COPB2: variants seen among roughly 807,000 people sequenced by gnomAD.
The protein encoded by COPB2 is coat protein complex I subunit beta 2, also known as coatomer subunit beta'.
In COPB2, 16 loss-of-function variants were observed where a neutral mutation model predicts 120.8. The ratio of observed to expected loss-of-function variants is 0.13; its 90% confidence interval spans 0.09 to 0.20. COPB2 has a LOEUF of 0.20. Among genes scored for constraint, COPB2 ranks in the 10% least tolerant of loss-of-function variants. The pLI is 1.00. For synonymous variants in COPB2, 332 were observed against 366.3 expected (o/e 0.91, Z 1.07); for missense variants, 794 against 1,076.5 (o/e 0.74, Z 3.67).
At chr3:139,374,448 G>C in intron 7 of COPB2, 41 bp downstream of exon 7, 1 of 1,497,556 alleles carries the variant, frequency 6.7e-7, no homozygotes, top group Non-Finnish European at 9.3e-7. Flanking sequence ...TGCCCACTGA[G>C]TAGTTACTAG....
Position 139,389,615 on chromosome 3 carries a change from C to A in COPB2, c.-65G>T. ...CGGCTACTCAGGCCTTGAGATAAAC[C>A]CACCGATCCACTGACCGTCAGACTG... On this transcript the variant is annotated 5_prime_UTR_variant, in exon 1 of 22. Transcript: ENST00000333188. 2.0e-6 allele frequency: 3 copies of A among 1,470,894 alleles called. No homozygotes were observed. Among genetic ancestry groups the A allele is most frequent in the Non-Finnish European group, 2.8e-6 (3 of 1,073,188 alleles). 91.1% of individuals were successfully genotyped at this position (1,470,894 alleles called of 1,614,324 possible). A position where few individuals can be genotyped will look rare whatever the true frequency, so the allele number is the denominator to read the frequency against.
At chr3:139,374,411 TA>T (rs1560018175) in intron 7 of COPB2, 77 bp downstream of exon 7, 1 of 1,153,970 alleles carries the variant, frequency 8.7e-7, no homozygotes, top group Non-Finnish European at 1.3e-6. Context: ...CCTACAATTA[TA>T]ATGCAGAGAC....
Position 139,374,268 on chromosome 3 carries a change from T to C in COPB2, c.751+221A>G, listed in dbSNP as rs1445761450. ...ACAGCTGACGGTCCTCTTATTTAAG[T>C]GACAGAATCAAAATACATGAGAATG... On this transcript the variant is annotated intron_variant, in intron 7 of 21. Transcript: ENST00000333188. 3 of 526,262 alleles carry C rather than the reference T, an allele frequency of 5.7e-6. No homozygotes were observed. In the Admixed American group the frequency reaches 9.9e-5, roughly 17 times the overall value. 32.6% of individuals were successfully genotyped at this position (526,262 alleles called of 1,614,324 possible).
chr3:139,368,754 C>T (rs986249741), intron 12 of COPB2, among the ~76,000 whole-genome samples: 11 of 152,220 alleles, frequency 7.2e-5, no homozygotes, highest in African/African-American at 2.4e-4. Context: ...TCAATGTTTA[C>T]ACCCACTGAG....
chr3:139,384,380 G>A (rs1424026835), intron 1 of COPB2, among the ~76,000 whole-genome samples: 1 of 152,180 alleles, frequency 6.6e-6, no homozygotes, highest in African/African-American at 2.4e-5. Context: ...AAGCCTTTAA[G>A]CATTGGAAAT....
In COPB2 at chr3:139,362,398, A is replaced by G. The variant is rs1251943162; in HGVS notation, c.1995+9T>C. The G allele has an allele frequency of 6.3e-7, 1 of 1,578,516 alleles. No homozygotes were observed. ...CATCAGTTATGAAAAATCATGAATT[A>G]GTACATACCTCTGCTTCCACTGCTA... On this transcript the variant is annotated intron_variant, in intron 16 of 21. Coordinates refer to ENST00000333188, the MANE Select transcript of COPB2 (RefSeq NM_004766.3).
chr3:139,383,113 A>G, intron 2 of COPB2, 185 bp downstream of exon 2: 1 of 675,046 alleles, frequency 1.5e-6, no homozygotes, highest in South Asian at 1.8e-5. Context: ...CATACCCAGG[A>G]CAGTTTCTCC....
chr3:139,371,406 G>C (rs1396463140), intron 10 of COPB2, among the ~76,000 whole-genome samples: 1 of 152,194 alleles, frequency 6.6e-6, no homozygotes, highest in Admixed American at 6.5e-5. Context: ...AGGCAGACAT[G>C]AGGGTCTACT....
At chr3:139,381,298 T>C (rs1188804361) in intron 2 of COPB2, 1 of 152,248 alleles carries the variant, frequency 6.6e-6, no homozygotes, top group African/African-American at 2.4e-5. Context: ...ATCTCCTTAT[T>C]TGAAATTCAA....
chr3:139,371,711 A>G lies in COPB2; in HGVS notation c.1205+12T>C, dbSNP rs779299840. ...ATCAGGGCATGCTGGCTATCATACA[A>G]TCAAAACTTACTCTGAAGAATCGTG... On this transcript the variant is annotated intron_variant, in intron 10 of 21. Transcript: ENST00000333188. The G allele has an allele frequency of 1.2e-6, 2 of 1,611,048 alleles. No individual in the cohort carries two copies. Among genetic ancestry groups the G allele is most frequent in the Non-Finnish European group, 1.7e-6 (2 of 1,177,428 alleles).
intron 17 of COPB2, among the ~76,000 whole-genome samples, chr3:139,359,587 T>C (rs776499495): frequency 4.3e-4 from 66 of 152,134 alleles, no homozygotes; most frequent in Admixed American, 1.3e-3. Flanking sequence ...AACTTAATTA[T>C]TATAATTCCT....
At chr3:139,363,227 T>G (rs1028425853) in intron 15 of COPB2, among the ~76,000 whole-genome samples, 1 of 152,028 alleles carries the variant, frequency 6.6e-6, no homozygotes, top group African/African-American at 2.4e-5. Flanking sequence ...AAACCAGGGG[T>G]CTCCCAAACA....
chr3:139,359,426 A>T, intron 17 of COPB2, 64 bp from the exon 18 acceptor site: 1 of 1,485,484 alleles, frequency 6.7e-7, no homozygotes, highest in Non-Finnish European at 9.2e-7. Flanking sequence ...GGTACTTAAC[A>T]CAAAGTAAAT....
intron 2 of COPB2, chr3:139,382,556 T>C (rs1436690545): frequency 1.3e-5 from 2 of 152,302 alleles, no homozygotes; most frequent in Non-Finnish European, 2.9e-5. Flanking sequence ...TAAAGGTGTT[T>C]TTAGGTTTAC....
At chr3:139,358,445 G>A (rs767762308) in intron 20 of COPB2, 174 bp from the exon 21 acceptor site, 46 of 629,156 alleles carry the variant, frequency 7.3e-5, no homozygotes, top group Non-Finnish European at 1.0e-4. Flanking sequence ...TTGGGAGGCC[G>A]AAGCAGGTGG....
chr3:139,381,448 A>C (rs1276655674), intron 2 of COPB2: 1 of 152,278 alleles, frequency 6.6e-6, no homozygotes, highest in Non-Finnish European at 1.5e-5. Flanking sequence ...TTAATCATTC[A>C]ACAAAGACTT....
At position 139,378,244 on chromosome 3, in the gene COPB2, C is replaced by CT. The variant is rs1941751600; in HGVS notation, c.356-56dup. The CT allele has an allele frequency of 2.0e-5, 29 of 1,467,790 alleles. No individual in the cohort carries two copies. In the South Asian group the frequency reaches 4.1e-4, roughly 21 times the overall value. 90.9% of individuals were successfully genotyped at this position (1,467,790 alleles called of 1,614,324 possible). On this transcript the variant is annotated intron_variant, in intron 4 of 21. Coordinates refer to ENST00000333188, the MANE Select transcript of COPB2 (RefSeq NM_004766.3). ...GTAATTCTATTTTTTCACTTCATAACTAAGACACAGTCTTTAGAAGAAGCA... is the reference window on the plus strand; with the variant it reads ...GTAATTCTATTTTTTCACTTCATAACTTAAGACACAGTCTTTAGAAGAAGCA...
intron 17 of COPB2, among the ~76,000 whole-genome samples, chr3:139,360,025 T>C (rs1361200922): frequency 6.6e-6 from 1 of 152,092 alleles, no homozygotes; most frequent in African/African-American, 2.4e-5. Flanking sequence ...GCAGTTCAGC[T>C]CAGGTCTTGC....
intron 4 of COPB2, among the ~76,000 whole-genome samples, chr3:139,378,686 C>T (rs965227459): frequency 6.6e-6 from 1 of 152,170 alleles, no homozygotes; most frequent in Non-Finnish European, 1.5e-5. Flanking sequence ...ATACACAATA[C>T]CAAGGAGCAA....
Sources: allele counts gnomAD v4.1 joint callset (sites outside exome capture counted in the v4.1 genomes callset), GRCh38; gene constraint gnomAD v4.1.1; transcripts MANE v1.5; gene names NCBI Gene and HGNC (gene_info 2026-07-23, HGNC 2026-07-21).